The following BASP1 variants were observed in gnomAD, a reference collection of about 807,000 sequenced individuals.
BASP1 encodes the protein brain acid soluble protein 1.
A neutral mutation model predicts 2.2 loss-of-function variants in BASP1; 1 was observed. The observed-to-expected ratio is 0.46, with a 90% confidence interval of 0.16 to 2.17. BASP1 has a LOEUF of 2.17. Ranked by LOEUF, BASP1 falls within the 30% of genes most tolerant of loss-of-function variation. The pLI is 0.27. For missense variants in BASP1, 352 were observed against 327.2 expected, an observed-to-expected ratio of 1.08 and a Z score of -0.58; for synonymous variants, 187 against 154.2, an observed-to-expected ratio of 1.21 and a Z score of -1.58.
Position 17,236,374 on chromosome 5 carries a change from C to A in BASP1, c.-10+18564C>A, listed in dbSNP as rs376606867. 6.6e-6 allele frequency among the ~76,000 whole-genome samples: 1 copy of A among 152,252 alleles called. No homozygotes were observed. Among genetic ancestry groups the A allele is most frequent in the South Asian group, 2.1e-4 (1 of 4,822 alleles). On this transcript the variant is annotated intron_variant, in intron 1 of 1. Coordinates refer to ENST00000322611, the MANE Select transcript of BASP1 (RefSeq NM_006317.5). The surrounding 1 kb of genome is among the most constrained non-coding windows in gnomAD (Gnocchi z 4.0). The stretch of plus-strand genomic sequence containing the variant: ...TGCCTCCCGGGTTCAAGCAATTCTC[C>A]TGCCTCAGCCTCTGGAGTAGCTGGG...
rs549404942 is a variant in BASP1 at position 17,225,749 on chromosome 5, G to A, written c.-10+7939G>A. Among the ~76,000 whole-genome samples the A allele has an allele frequency of 8.3e-4, 127 of 152,278 alleles. 1 individual carries two copies. The Middle Eastern group carries it at 0.014, about 16-fold the overall frequency. ...TGTGCACGTTGTCGTGGCAGGTGGT[G>A]GATGGAGAGCTTTTATGCCGATTTC... is the stretch of plus-strand genomic sequence containing the variant. On this transcript the variant is annotated intron_variant, in intron 1 of 1. Transcript: ENST00000322611.
In BASP1 at chr5:17,276,069, G is replaced by T; in HGVS notation, c.*169G>T. On this transcript the variant is annotated 3_prime_UTR_variant, in exon 2 of 2. Transcript: ENST00000322611. ...CAAATTGGAAGTAATGATATGTATT[G>T]CCCAAGGAAAAATACAGGATGTTGT... 1 of 478,402 alleles carries T rather than the reference G, an allele frequency of 2.1e-6. No individual in the cohort carries two copies. Among genetic ancestry groups the T allele is most frequent in the Non-Finnish European group, 3.4e-6 (1 of 296,136 alleles). 29.6% of individuals were successfully genotyped at this position (478,402 alleles called of 1,614,324 possible). A position where few individuals can be genotyped will look rare whatever the true frequency, so the allele number is the denominator to read the frequency against.
At chr5:17,274,890 C>T (rs1336588848) in intron 1 of BASP1, among the ~76,000 whole-genome samples, 5 of 152,028 alleles carry the variant, frequency 3.3e-5, no homozygotes, top group Admixed American at 6.5e-5. Context: ...ATTACTTGGG[C>T]GTGGTGGGTA....
At position 17,272,006 on chromosome 5, in the gene BASP1, C is replaced by T. The variant is rs1473733038; in HGVS notation, c.-9-3202C>T. Among the ~76,000 whole-genome samples the T allele has an allele frequency of 2.0e-5, 3 of 147,376 alleles. No individual in the cohort carries two copies. In the East Asian group the frequency reaches 6.0e-4, roughly 29 times the overall value. On this transcript the variant is annotated intron_variant, in intron 1 of 1. Transcript: ENST00000322611. Reference sequence around the variant, plus strand: ...GCTTGAACCTGGGAGGCGGAGGTTGCAGTGAGCCGAGATTGTGCTGCTGCT... The same window carrying T: ...GCTTGAACCTGGGAGGCGGAGGTTGTAGTGAGCCGAGATTGTGCTGCTGCT...
At chr5:17,235,750 T>C (rs1294680775) in intron 1 of BASP1, among the ~76,000 whole-genome samples, 1 of 152,192 alleles carries the variant, frequency 6.6e-6, no homozygotes, top group African/African-American at 2.4e-5. Flanking sequence ...ACAGGATTGG[T>C]AACTAGTATT....
chr5:17,243,701 A>G (rs190455265), intron 1 of BASP1, among the ~76,000 whole-genome samples: 85 of 152,336 alleles, frequency 5.6e-4, no homozygotes, highest in African/African-American at 2.0e-3. Context: ...GTGTCTCACC[A>G]TATGATCTTG....
chr5:17,231,555 C>T (rs1038233215), intron 1 of BASP1, among the ~76,000 whole-genome samples: 6 of 152,170 alleles, frequency 3.9e-5, no homozygotes, highest in African/African-American at 1.4e-4. Context: ...CCTCTTCAGC[C>T]ATACCAACAG....
chr5:17,227,231 T>C (rs931410339), intron 1 of BASP1, among the ~76,000 whole-genome samples: 1 of 147,316 alleles, frequency 6.8e-6, no homozygotes, highest in Admixed American at 6.8e-5. Context: ...ACCCGTCCTT[T>C]TTTCTTTTTA....
intron 1 of BASP1, among the ~76,000 whole-genome samples, chr5:17,242,487 A>G (rs1424647901): frequency 6.6e-6 from 1 of 151,902 alleles, no homozygotes; most frequent in African/African-American, 2.4e-5. Context: ...ACTTGCATTG[A>G]CACATCATTG....
chr5:17,249,152 C>T (rs1001005685), intron 1 of BASP1, among the ~76,000 whole-genome samples: 2 of 152,020 alleles, frequency 1.3e-5, no homozygotes, highest in African/African-American at 2.4e-5. Flanking sequence ...TGAGCTCAGA[C>T]CCCCTTATTC....
intron 1 of BASP1, among the ~76,000 whole-genome samples, chr5:17,269,457 C>T (rs1740488819): frequency 6.6e-6 from 1 of 152,162 alleles, no homozygotes. Flanking sequence ...TCCCTCTGAC[C>T]TTTTCAGGCC....
In BASP1 at chr5:17,262,126, T is replaced by C. The variant is rs567653136; in HGVS notation, c.-9-13082T>C. Among the ~76,000 whole-genome samples, 3 of 149,852 alleles carry C rather than the reference T, an allele frequency of 2.0e-5. No individual in the cohort carries two copies. In the East Asian group the frequency reaches 5.8e-4, roughly 29 times the overall value. On this transcript the variant is annotated intron_variant, in intron 1 of 1. Coordinates refer to ENST00000322611, the MANE Select transcript of BASP1 (RefSeq NM_006317.5). ...TCCTACAAGAGCTGTTTTTCTGCTT[T>C]CTGTCATCTAAGTAATTTTCCCTAT...
At chr5:17,240,160 A>AAAT (rs1348423476) in intron 1 of BASP1, among the ~76,000 whole-genome samples, 1 of 151,742 alleles carries the variant, frequency 6.6e-6, no homozygotes, top group African/African-American at 2.4e-5. Context: ...ATAAATAAAT[A>AAAT]AATAAATAAC....
rs1048555615 is a variant in BASP1 at position 17,260,626 on chromosome 5, T to C, written c.-9-14582T>C. Among the ~76,000 whole-genome samples, 5 of 152,220 alleles carry C rather than the reference T, an allele frequency of 3.3e-5. No homozygotes were observed. The highest frequency in any genetic ancestry group is 1.2e-4 in the African/African-American group (5 of 41,450). ...TACTGCTGGTGAAAGGTAAGTTACA[T>C]AACCCAACTTCTAGTCAGGGACTCT... On this transcript the variant is annotated intron_variant, in intron 1 of 1. Coordinates refer to ENST00000322611, the MANE Select transcript of BASP1 (RefSeq NM_006317.5). This position sits in a 1 kb window ranked among gnomAD's most constrained non-coding sequence, Gnocchi z 4.2.
intron 1 of BASP1, among the ~76,000 whole-genome samples, chr5:17,232,737 G>A (rs572446479): frequency 6.6e-6 from 1 of 151,914 alleles, no homozygotes; most frequent in Admixed American, 6.6e-5. Context: ...TTTTTTGGAG[G>A]AGGAGGTGGG....
At chr5:17,269,851 T>A (rs1740494426) in intron 1 of BASP1, among the ~76,000 whole-genome samples, 1 of 152,190 alleles carries the variant, frequency 6.6e-6, no homozygotes, top group African/African-American at 2.4e-5. Flanking sequence ...GTTTTTACCC[T>A]TTACACGTGA....
chr5:17,224,539 C>T (rs781346244), intron 1 of BASP1, among the ~76,000 whole-genome samples: 2 of 151,866 alleles, frequency 1.3e-5, no homozygotes, highest in African/African-American at 2.4e-5. Context: ...TTAGAGAGAG[C>T]GATACTAACT....
intron 1 of BASP1, among the ~76,000 whole-genome samples, chr5:17,222,011 CACTGAAAGTGTTTTCAACA>C (rs752540759): frequency 9.2e-5 from 14 of 152,012 alleles, no homozygotes; most frequent in Non-Finnish European, 1.9e-4. Context: ...ATATCAATTA[CACTGAAAGTGTTTTCAACA>C]ACTGAAAGTG....
chr5:17,229,888 G>A (rs953146741), intron 1 of BASP1, among the ~76,000 whole-genome samples: 1 of 150,564 alleles, frequency 6.6e-6, no homozygotes, highest in African/African-American at 2.4e-5. Context: ...GGTTCAAGCA[G>A]TTCTCTGCCT....
Sources: gnomAD v4.1 joint callset for allele counts (sites outside exome capture counted in the v4.1 genomes callset) on GRCh38, gnomAD v4.1.1 for gene constraint, Gnocchi (gnomAD v3.1) non-coding constraint, MANE v1.5 for transcripts, NCBI Gene and HGNC (gene_info 2026-07-23, HGNC 2026-07-21) for gene names.